Variants in KIRREL3 observed in about 807,000 individuals in gnomAD.
The protein encoded by KIRREL3 is kin of IRRE-like protein 3.
Under a neutral mutation model 89.7 loss-of-function variants are expected in KIRREL3, and 36 were observed. That is an observed-to-expected ratio of 0.40 (90% CI 0.31 to 0.53). The LOEUF is 0.53. Among genes scored for constraint, KIRREL3 ranks in the 20% least tolerant of loss-of-function variants. KIRREL3 has a pLI of 0.49. For missense variants in KIRREL3, 864 were observed against 1,056.6 expected (o/e 0.82, Z 2.53); for synonymous variants, 445 against 441.4 (o/e 1.01, Z -0.10).
At chr11:126,914,446 C>A (rs1266842735) in intron 1 of KIRREL3, among the ~76,000 whole-genome samples, 10 of 152,200 alleles carry the variant, frequency 6.6e-5, no homozygotes, top group Admixed American at 6.5e-4. Flanking sequence ...AGTGCAGAAT[C>A]CTGGAATACC....
intron 4 of KIRREL3, among the ~76,000 whole-genome samples, chr11:126,487,734 T>A (rs2134326294): frequency 6.6e-6 from 1 of 152,360 alleles, no homozygotes; most frequent in Non-Finnish European, 1.5e-5. Flanking sequence ...CTGTTCCTCA[T>A]TTTTCACATT....
chr11:126,519,658 C>T lies in KIRREL3; in HGVS notation c.433+1657G>A, dbSNP rs376827922. On this transcript the variant is annotated intron_variant, in intron 4 of 16. Transcript: ENST00000525144. The surrounding 1 kb of genome is among the most constrained non-coding windows in gnomAD (Gnocchi z 4.3). ...TGGCCCCTCTAGAAGGTGTATGAGTCGGTAGAGGCAGATTCTTCTGAGGAT... is the reference window on the plus strand; with the variant it reads ...TGGCCCCTCTAGAAGGTGTATGAGTTGGTAGAGGCAGATTCTTCTGAGGAT... Among the ~76,000 whole-genome samples the T allele has an allele frequency of 7.2e-5, 11 of 152,080 alleles. No homozygotes were observed. Among genetic ancestry groups the T allele is most frequent in the African/African-American group, 1.9e-4 (8 of 41,384 alleles).
Position 126,946,519 on chromosome 11 carries a change from T to A in KIRREL3, c.55+53936A>T, listed in dbSNP as rs143118446. 7.7e-4 allele frequency among the ~76,000 whole-genome samples: 117 copies of A among 152,350 alleles called. No individual in the cohort carries two copies. Among genetic ancestry groups the A allele is most frequent in the African/African-American group, 2.6e-3 (109 of 41,584 alleles). On this transcript the variant is annotated intron_variant, in intron 1 of 16. Coordinates refer to ENST00000525144, the MANE Select transcript of KIRREL3 (RefSeq NM_032531.4). The surrounding 1 kb of genome is among the most constrained non-coding windows in gnomAD (Gnocchi z 4.1). The stretch of plus-strand genomic sequence containing the variant: ...AGACTAGACTAGATGTTAAGTAAGG[T>A]GACTTTCCACTCTAAAACTCTATAC...
In KIRREL3 at chr11:126,535,712, C is replaced by G. The variant is rs900741583; in HGVS notation, c.134-9025G>C. On this transcript the variant is annotated intron_variant, in intron 2 of 16. Transcript: ENST00000525144. The surrounding 1 kb of genome is among the most constrained non-coding windows in gnomAD (Gnocchi z 4.5). ...TAAGATTTTGGTTGAGGGCTGGGCCCGGTGGCTCACGCCTGTAATCCCAGC... is the reference window on the plus strand; with the variant it reads ...TAAGATTTTGGTTGAGGGCTGGGCCGGGTGGCTCACGCCTGTAATCCCAGC... Among the ~76,000 whole-genome samples, 27 of 152,212 alleles carry G rather than the reference C, an allele frequency of 1.8e-4. No individual in the cohort carries two copies. Among genetic ancestry groups the G allele is most frequent in the Non-Finnish European group, 3.5e-4 (24 of 68,046 alleles).
Position 126,424,490 on chromosome 11 carries a change from G to T in KIRREL3, c.*90C>A. On this transcript the variant is annotated 3_prime_UTR_variant, in exon 17 of 17. Coordinates refer to ENST00000525144, the MANE Select transcript of KIRREL3 (RefSeq NM_032531.4). ...GCTGTCCTGGAAGTGGCCAATTCTG[G>T]TGTCCTCTGCAAAGTACCCCTCGTC... The T allele has an allele frequency of 2.3e-6, 3 of 1,285,270 alleles. No individual in the cohort carries two copies. Among genetic ancestry groups the T allele is most frequent in the Non-Finnish European group, 2.2e-6 (2 of 920,186 alleles). 79.6% of individuals were successfully genotyped at this position (1,285,270 alleles called of 1,614,324 possible).
chr11:126,765,923 C>T (rs1052922690), intron 1 of KIRREL3, among the ~76,000 whole-genome samples: 9 of 152,166 alleles, frequency 5.9e-5, no homozygotes, highest in African/African-American at 2.2e-4. Flanking sequence ...CTCCCTTCCC[C>T]CCATAATCAA....
In KIRREL3 at chr11:126,708,995, G is replaced by A. The variant is rs180945348; in HGVS notation, c.56-146083C>T. The stretch of plus-strand genomic sequence containing the variant: ...GATCCGTGCTAATCCAACAGTTTCT[G>A]CCCCCACCCCAGGACAGCTTGTGTT... On this transcript the variant is annotated intron_variant, in intron 1 of 16. Transcript: ENST00000525144. This position sits in a 1 kb window ranked among gnomAD's most constrained non-coding sequence, Gnocchi z 5.7. 3.3e-5 allele frequency among the ~76,000 whole-genome samples: 5 copies of A among 152,126 alleles called. No individual in the cohort carries two copies. The highest frequency in any genetic ancestry group is 4.8e-5 in the African/African-American group (2 of 41,492).
intron 1 of KIRREL3, among the ~76,000 whole-genome samples, chr11:126,625,453 A>T (rs533536053): frequency 1.2e-3 from 181 of 152,308 alleles, no homozygotes; most frequent in Non-Finnish European, 2.2e-3. Context: ...AATTCTGCAG[A>T]CTGCCCAATC....
At chr11:126,726,644 A>G (rs1948393558) in intron 1 of KIRREL3, among the ~76,000 whole-genome samples, 1 of 152,202 alleles carries the variant, frequency 6.6e-6, no homozygotes, top group African/African-American at 2.4e-5. Flanking sequence ...CTAGGATAAC[A>G]GGTGTGAGCC....
At position 126,993,364 on chromosome 11, in the gene KIRREL3, G is replaced by A. The variant is rs192285354; in HGVS notation, c.55+7091C>T. ...ACTGCCCATGGCTTCTGAACATATC[G>A]CATTCTGTTCTGCCTTTTGTATTTG... On this transcript the variant is annotated intron_variant, in intron 1 of 16. Transcript: ENST00000525144. This position sits in a 1 kb window ranked among gnomAD's most constrained non-coding sequence, Gnocchi z 6.1. Among the ~76,000 whole-genome samples the A allele has an allele frequency of 3.2e-3, 482 of 152,188 alleles. 1 individual carries two copies. Among genetic ancestry groups the A allele is most frequent in the African/African-American group, 0.011 (464 of 41,520 alleles).
chr11:126,967,106 A>G (rs926636413), intron 1 of KIRREL3, among the ~76,000 whole-genome samples: 5 of 152,144 alleles, frequency 3.3e-5, no homozygotes. Context: ...ACTTTCTCTG[A>G]CCCGGAGCTC....
At chr11:126,922,007 C>CT (rs749805009) in intron 1 of KIRREL3, among the ~76,000 whole-genome samples, 10 of 131,198 alleles carry the variant, frequency 7.6e-5, no homozygotes, top group African/African-American at 3.1e-4. Context: ...ATCTATCTAT[C>CT]ATCTATCTTC....
chr11:126,693,156 C>T (rs904483323), intron 1 of KIRREL3, among the ~76,000 whole-genome samples: 9 of 152,218 alleles, frequency 5.9e-5, no homozygotes, highest in African/African-American at 1.4e-4. Context: ...CTGTGGCTCA[C>T]GCCTGTAATC....
chr11:126,695,722 A>C (rs559097793), intron 1 of KIRREL3, among the ~76,000 whole-genome samples: 1 of 152,254 alleles, frequency 6.6e-6, no homozygotes, highest in South Asian at 2.1e-4. Context: ...GCTGCATTGC[A>C]AGAAGGAGCT....
chr11:126,714,232 C>T (rs373560716), intron 1 of KIRREL3, among the ~76,000 whole-genome samples: 11 of 152,298 alleles, frequency 7.2e-5, no homozygotes, highest in African/African-American at 1.9e-4. Flanking sequence ...ATGACATAAT[C>T]AATGGAGGAG....
At chr11:126,824,339 T>A (rs926068033) in intron 1 of KIRREL3, among the ~76,000 whole-genome samples, 1 of 152,200 alleles carries the variant, frequency 6.6e-6, no homozygotes, top group Non-Finnish European at 1.5e-5. Flanking sequence ...CCAGGTGCAT[T>A]CACAGAAATG....
intron 1 of KIRREL3, among the ~76,000 whole-genome samples, chr11:126,834,017 T>C (rs1017807219): frequency 6.6e-6 from 1 of 152,236 alleles, no homozygotes; most frequent in Admixed American, 6.5e-5. Context: ...TTGACCCAAA[T>C]GTACCAGTGC....
At chr11:126,672,246 T>G (rs1025717110) in intron 1 of KIRREL3, among the ~76,000 whole-genome samples, 9 of 152,176 alleles carry the variant, frequency 5.9e-5, no homozygotes, top group African/African-American at 1.7e-4. Flanking sequence ...TCAGTTGGAC[T>G]TGATTATATG....
rs1190647145 is a variant in KIRREL3 at position 126,917,306 on chromosome 11, A to ACTC, written c.55+83148_55+83149insGAG. Among the ~76,000 whole-genome samples, 1 of 152,190 alleles carries ACTC rather than the reference A, an allele frequency of 6.6e-6. No individual in the cohort carries two copies. The highest frequency in any genetic ancestry group is 1.5e-5 in the Non-Finnish European group (1 of 68,028). Reference sequence around the variant, plus strand: ...AGGTTATCAGGACTGAGACGGAAGGAAGTGGGAGTTATTGCTTAATGGGTA... The same window carrying ACTC: ...AGGTTATCAGGACTGAGACGGAAGGACTCAGTGGGAGTTATTGCTTAATGGGTA... On this transcript the variant is annotated intron_variant, in intron 1 of 16. Coordinates refer to ENST00000525144, the MANE Select transcript of KIRREL3 (RefSeq NM_032531.4). This position sits in a 1 kb window ranked among gnomAD's most constrained non-coding sequence, Gnocchi z 5.0.
Sources: allele counts gnomAD v4.1 joint callset (sites outside exome capture counted in the v4.1 genomes callset), GRCh38; gene constraint gnomAD v4.1.1; non-coding constraint Gnocchi (gnomAD v3.1); transcripts MANE v1.5; gene names NCBI Gene and HGNC (gene_info 2026-07-23, HGNC 2026-07-21).